The following TG variants were observed in gnomAD, a reference collection of about 807,000 sequenced individuals.
The protein encoded by TG is thyroglobulin, also known as thyroid hormones.
Under a neutral mutation model 324.7 loss-of-function variants are expected in TG, and 270 were observed. The ratio of observed to expected loss-of-function variants is 0.83; its 90% CI spans 0.75 to 0.92. The LOEUF is 0.92. TG is among the 40% of genes least tolerant of loss of function. The probability of loss-of-function intolerance (pLI) is 0.00; values close to 1 mark genes in which losing one functional copy is unlikely to be tolerated. For synonymous variants in TG, 1,401 were observed against 1,327.0 expected (o/e 1.06, Z -1.21); for missense variants, 3,591 against 3,456.4 (o/e 1.04, Z -0.98).
At chr8:133,040,084 T>C in intron 41 of TG, 1 of 1,564,460 alleles carries the variant, frequency 6.4e-7, no homozygotes, top group East Asian at 2.4e-5. Flanking sequence ...CCGTGCTTTG[T>C]GTCAGGCAGG....
At chr8:133,034,169 C>T (rs1836880514) in intron 41 of TG, among the ~76,000 whole-genome samples, 1 of 152,038 alleles carries the variant, frequency 6.6e-6, no homozygotes, top group African/African-American at 2.4e-5. Flanking sequence ...AATATTTTTG[C>T]TGGGAGTTGG....
In TG at chr8:132,893,284, G is replaced by GTGTA. The variant is rs530070424; in HGVS notation, c.2762-403_2762-402insATGT. Among the ~76,000 whole-genome samples the GTGTA allele has an allele frequency of 8.7e-4, 125 of 143,508 alleles. 1 individual carries two copies. In the East Asian group the frequency reaches 0.013, roughly 15 times the overall value. The allele number at this position is 143,508 out of a possible 152,430, so 94.1% of individuals were successfully genotyped here. A position where few individuals can be genotyped will look rare whatever the true frequency, so the allele number is the denominator to read the frequency against. ...TGTGTGGTGTCTGCGGGGGTGGTGT[G>GTGTA]TGTGTATGTGTACGTGTGGTGTATG... is the stretch of plus-strand genomic sequence containing the variant. On this transcript the variant is annotated intron_variant, in intron 10 of 47. Transcript: ENST00000220616.
intron 35 of TG, among the ~76,000 whole-genome samples, chr8:133,001,151 G>A (rs1833447231): frequency 6.6e-6 from 1 of 152,184 alleles, no homozygotes; most frequent in East Asian, 1.9e-4. Flanking sequence ...ACGTGATTAT[G>A]TCTGTTAAGA....
Position 132,893,786 on chromosome 8 carries a change from T to TG in TG, c.2863dup (p.Glu955GlyfsTer14). ...GCTTCCAACAGTTCTCGGTTCCCTC[T>TG]GGGGGAGAGTTTCCTGGTGGCCAAG... On this transcript the variant is annotated frameshift_variant, in exon 11 of 48. Coordinates refer to ENST00000220616, the MANE Select transcript of TG (RefSeq NM_003235.5). LOFTEE classifies it high-confidence loss of function. 1.2e-6 allele frequency: 2 copies of TG among 1,613,996 alleles called. No individual in the cohort carries two copies. The highest frequency in any genetic ancestry group is 1.7e-5 in the Admixed American group (1 of 60,014).
chr8:132,970,297 T>C (rs939139839), intron 32 of TG, among the ~76,000 whole-genome samples: 1 of 152,176 alleles, frequency 6.6e-6, no homozygotes, highest in Non-Finnish European at 1.5e-5. Context: ...TCTCCTAGTA[T>C]TGTCTGTGGA....
intron 32 of TG, among the ~76,000 whole-genome samples, chr8:132,970,199 T>C (rs1030873342): frequency 1.3e-5 from 2 of 152,096 alleles, no homozygotes; most frequent in African/African-American, 4.8e-5. Context: ...TACATATAAA[T>C]AATTTTTATT....
intron 11 of TG, among the ~76,000 whole-genome samples, chr8:132,896,266 G>A (rs1817084948): frequency 6.6e-6 from 1 of 152,210 alleles, no homozygotes; most frequent in Non-Finnish European, 1.5e-5. Flanking sequence ...GCGCAGTGCC[G>A]GGATTCAGAA....
chr8:133,108,179 G>T (rs192159780), intron 43 of TG, among the ~76,000 whole-genome samples: 3 of 151,666 alleles, frequency 2.0e-5, no homozygotes, highest in Admixed American at 2.0e-4. Flanking sequence ...GTAGAGATGG[G>T]GTTTCACTGT....
rs1441482366 is a variant in TG, at chr8:132,995,021, CGT to C, written c.6262+11613_6262+11614del. The C allele has an allele frequency of 3.1e-6, 3 of 965,356 alleles. No homozygotes were observed. In the African/African-American group the frequency reaches 5.8e-5, roughly 19 times the overall value. The allele number at this position is 965,356 out of a possible 1,614,324, so 59.8% of individuals were successfully genotyped here. On this transcript the variant is annotated intron_variant, in intron 35 of 47. Transcript: ENST00000220616. ...CAGCATTGGCTCAGTTATGCTGTAG[CGT>C]GTGATTTTTTCCCTTCTGCTTTTGT...
At chr8:132,870,893 T>C (rs1342783540) in intron 3 of TG, among the ~76,000 whole-genome samples, 2 of 152,180 alleles carry the variant, frequency 1.3e-5, no homozygotes, top group African/African-American at 4.8e-5. Flanking sequence ...AGGGATCCAC[T>C]TCCAGGACTC....
chr8:132,948,181 C>T (rs1338419126), intron 26 of TG, among the ~76,000 whole-genome samples: 2 of 145,676 alleles, frequency 1.4e-5, no homozygotes, highest in Non-Finnish European at 2.9e-5. Flanking sequence ...TTACTCCGTC[C>T]CCCCCCAAAA....
chr8:132,927,142 T>C (rs1256746409), intron 22 of TG, among the ~76,000 whole-genome samples: 2 of 152,176 alleles, frequency 1.3e-5, no homozygotes, highest in Admixed American at 6.5e-5. Flanking sequence ...AATATGTGTG[T>C]GCACGTTGTG....
intron 41 of TG, among the ~76,000 whole-genome samples, chr8:133,087,097 C>T (rs1846700215): frequency 6.6e-6 from 1 of 151,424 alleles, no homozygotes; most frequent in Non-Finnish European, 1.5e-5. Flanking sequence ...CACACACACA[C>T]ACACACACAC....
intron 36 of TG, among the ~76,000 whole-genome samples, 166 bp downstream of exon 36, chr8:133,012,201 CCCACAGGGCAGCCAAGGTGT>C (rs1205228282): frequency 6.6e-6 from 1 of 152,118 alleles, no homozygotes; most frequent in Admixed American, 6.5e-5. Context: ...TCCTCATTAC[CCCACAGGGCAGCCAAGGTGT>C]CCAAGGGAAT....
At chr8:132,918,813 G>A (rs551390917) in intron 20 of TG, among the ~76,000 whole-genome samples, 186 of 152,294 alleles carry the variant, frequency 1.2e-3, no homozygotes, top group African/African-American at 4.3e-3. Flanking sequence ...ACAGTGCATG[G>A]CATATTCTAT....
chr8:132,978,123 A>G (rs1361687641), intron 34 of TG, among the ~76,000 whole-genome samples: 2 of 152,254 alleles, frequency 1.3e-5, no homozygotes, highest in Non-Finnish European at 2.9e-5. Context: ...CTGTGCAAGC[A>G]TGGCACCAGC....
intron 35 of TG, chr8:132,988,693 A>G: frequency 1.0e-6 from 1 of 985,208 alleles, no homozygotes; most frequent in Non-Finnish European, 1.2e-6. Context: ...ACAAATGTAC[A>G]TTGCATCTTA....
At position 132,987,808 on chromosome 8, in the gene TG, T is replaced by A. The variant is rs1831764335; in HGVS notation, c.6262+4396T>A. Among the ~76,000 whole-genome samples the A allele has an allele frequency of 2.0e-5, 3 of 151,966 alleles. No individual in the cohort carries two copies. The South Asian group carries it at 6.2e-4, about 32-fold the overall frequency. On this transcript the variant is annotated intron_variant, in intron 35 of 47. Transcript: ENST00000220616. The stretch of plus-strand genomic sequence containing the variant: ...AGAATTCTTTGCATATGCAAACCAT[T>A]CTCTCTGGAAAGACTTTCTAAAACT...
chr8:132,947,811 G>A (rs555936031), intron 26 of TG, among the ~76,000 whole-genome samples: 1 of 152,100 alleles, frequency 6.6e-6, no homozygotes, highest in Non-Finnish European at 1.5e-5. Context: ...TAAGAATTAA[G>A]GGAATTAATA....
Sources: allele counts gnomAD v4.1 joint callset (sites outside exome capture counted in the v4.1 genomes callset), GRCh38; gene constraint gnomAD v4.1.1; transcripts MANE v1.5; gene names NCBI Gene and HGNC (gene_info 2026-07-23, HGNC 2026-07-21).